The following CAMK4 variants were observed in gnomAD, a reference collection of about 807,000 sequenced individuals.
The protein encoded by CAMK4 is calcium/calmodulin-dependent protein kinase type IV.
Under a neutral mutation model 44.9 loss-of-function variants are expected in CAMK4, and 22 were observed. That is an observed-to-expected ratio of 0.49 (90% CI 0.35 to 0.70). CAMK4 has a LOEUF of 0.70. Among genes scored for constraint, CAMK4 ranks in the 30% least tolerant of loss-of-function variants. CAMK4 has a pLI of 0.01. For missense variants in CAMK4, 498 were observed against 586.8 expected (o/e 0.85, Z 1.56); for synonymous variants, 218 against 215.4 (o/e 1.01, Z -0.11).
chr5:111,442,970 G>C (rs1753880015), intron 5 of CAMK4, among the ~76,000 whole-genome samples: 3 of 149,378 alleles, frequency 2.0e-5, no homozygotes, highest in Admixed American at 6.7e-5. Flanking sequence ...AACTCTTTGG[G>C]GTTTCCAACA....
At position 111,326,957 on chromosome 5, in the gene CAMK4, A is replaced by G. The variant is rs147419193; in HGVS notation, c.162-17067A>G. ...TTGTTATTATATGTTTAATTAAAAT[A>G]AAATTCCAAAATAGAAAGCTGAGTG... On this transcript the variant is annotated intron_variant, in intron 1 of 10. Transcript: ENST00000282356. 6.4e-4 allele frequency among the ~76,000 whole-genome samples: 98 copies of G among 152,124 alleles called. 1 individual carries two copies. Among genetic ancestry groups the G allele is most frequent in the African/African-American group, 2.0e-3 (84 of 41,542 alleles).
chr5:111,407,167 G>C (rs545987298), intron 5 of CAMK4, among the ~76,000 whole-genome samples: 22 of 151,922 alleles, frequency 1.4e-4, no homozygotes, highest in African/African-American at 5.1e-4. Flanking sequence ...GCCTGGCCAA[G>C]ATGGTGAAAC....
At chr5:111,398,148 C>T (rs769729294) in intron 5 of CAMK4, among the ~76,000 whole-genome samples, 10 of 152,168 alleles carry the variant, frequency 6.6e-5, no homozygotes, top group Admixed American at 1.3e-4. Context: ...CTTAGATCCA[C>T]AAAGTGACAT....
At chr5:111,253,763 T>G (rs186817016) in intron 1 of CAMK4, among the ~76,000 whole-genome samples, 1 of 152,192 alleles carries the variant, frequency 6.6e-6, no homozygotes, top group Non-Finnish European at 1.5e-5. Flanking sequence ...TTTTCAATAG[T>G]AAGTGAGACA....
At chr5:111,301,831 T>G (rs1747730566) in intron 1 of CAMK4, among the ~76,000 whole-genome samples, 1 of 152,204 alleles carries the variant, frequency 6.6e-6, no homozygotes, top group Non-Finnish European at 1.5e-5. Context: ...GTATAAGCCA[T>G]TGTAGTTTTT....
chr5:111,342,254 C>G (rs560079459), intron 1 of CAMK4, among the ~76,000 whole-genome samples: 1 of 151,284 alleles, frequency 6.6e-6, no homozygotes, highest in Non-Finnish European at 1.5e-5. Context: ...TTTTTTATTT[C>G]TCCTTTTAGT....
At chr5:111,248,214 G>A (rs1011878658) in intron 1 of CAMK4, among the ~76,000 whole-genome samples, 1 of 152,098 alleles carries the variant, frequency 6.6e-6, no homozygotes, top group African/African-American at 2.4e-5. Flanking sequence ...TTCACAAAGT[G>A]GAAATTTAAT....
At chr5:111,387,608 G>C (rs1751651537) in intron 4 of CAMK4, among the ~76,000 whole-genome samples, 1 of 152,188 alleles carries the variant, frequency 6.6e-6, no homozygotes, top group Non-Finnish European at 1.5e-5. Context: ...TCTGAGTCCA[G>C]TGCTTTTGTT....
At chr5:111,401,589 G>A (rs1022556063) in intron 5 of CAMK4, among the ~76,000 whole-genome samples, 5 of 151,890 alleles carry the variant, frequency 3.3e-5, no homozygotes, top group African/African-American at 1.2e-4. Context: ...AATTGCAAAA[G>A]CTCCTTTTGA....
chr5:111,431,584 T>C (rs1415970445), intron 5 of CAMK4, among the ~76,000 whole-genome samples: 2 of 151,978 alleles, frequency 1.3e-5, no homozygotes, highest in East Asian at 3.9e-4. Context: ...ACCCACAGAA[T>C]GGGAGAAAAT....
At chr5:111,407,357 A>G (rs1276999367) in intron 5 of CAMK4, among the ~76,000 whole-genome samples, 2 of 151,364 alleles carry the variant, frequency 1.3e-5, no homozygotes, top group Non-Finnish European at 2.9e-5. Flanking sequence ...TAAAAAAAAA[A>G]AAAAGAAAAG....
chr5:111,260,034 C>A (rs1337592325), intron 1 of CAMK4, among the ~76,000 whole-genome samples: 1 of 152,124 alleles, frequency 6.6e-6, no homozygotes, highest in Non-Finnish European at 1.5e-5. Context: ...TTGGTAAGTT[C>A]TATAAATTCT....
At chr5:111,280,766 A>G (rs1267675889) in intron 1 of CAMK4, among the ~76,000 whole-genome samples, 1 of 152,240 alleles carries the variant, frequency 6.6e-6, no homozygotes, top group Non-Finnish European at 1.5e-5. Context: ...AGGACCAGAA[A>G]GGAAGCAGGC....
chr5:111,439,236 T>A (rs1442538603), intron 5 of CAMK4, among the ~76,000 whole-genome samples: 1 of 152,122 alleles, frequency 6.6e-6, no homozygotes, highest in African/African-American at 2.4e-5. Flanking sequence ...GAGTGCCATA[T>A]CTAGATCTTT....
In CAMK4 at chr5:111,300,112, G is replaced by A. The variant is rs1291103477; in HGVS notation, c.162-43912G>A. 2.6e-5 allele frequency among the ~76,000 whole-genome samples: 4 copies of A among 152,104 alleles called. No homozygotes were observed. In the East Asian group the frequency reaches 7.7e-4, roughly 29 times the overall value. On this transcript the variant is annotated intron_variant, in intron 1 of 10. Transcript: ENST00000282356. The stretch of plus-strand genomic sequence containing the variant: ...GTTGAGGCTAGAGAAAATGACCAGA[G>A]AATGGAAAATGAAACAAAGCATGGA...
At chr5:111,244,718 G>A (rs4957604) in intron 1 of CAMK4, among the ~76,000 whole-genome samples, 81,328 of 151,814 alleles carry the variant, frequency 0.54, 22,092 homozygotes, top group Non-Finnish European at 0.57. Context: ...AAAATTAGCC[G>A]GGCATGGTGG....
chr5:111,355,486 T>TTTTA (rs143763443), intron 2 of CAMK4, among the ~76,000 whole-genome samples: 49,987 of 146,704 alleles, frequency 0.34, 8,710 homozygotes, highest in South Asian at 0.49. Context: ...TCTGCATTCT[T>TTTTA]TTTATTTATT....
At chr5:111,464,133 A>C (rs1754739957) in intron 7 of CAMK4, among the ~76,000 whole-genome samples, 1 of 151,974 alleles carries the variant, frequency 6.6e-6, no homozygotes, top group South Asian at 2.1e-4. Flanking sequence ...AAATAGCATA[A>C]ATAAAAAAAC....
chr5:111,311,506 C>G lies in CAMK4; in HGVS notation c.162-32518C>G, dbSNP rs146746999. Among the ~76,000 whole-genome samples the G allele has an allele frequency of 3.7e-3, 571 of 152,270 alleles. 3 individuals are homozygous for G. Among genetic ancestry groups the G allele is most frequent in the African/African-American group, 0.013 (527 of 41,564 alleles). ...GGTGGGTGCAGAAGAGAGTAAAAAG[C>G]CTATGTAATGGATTGAGGCCAGGTT... On this transcript the variant is annotated intron_variant, in intron 1 of 10. Coordinates refer to ENST00000282356, the MANE Select transcript of CAMK4 (RefSeq NM_001744.6).
Sources: allele counts gnomAD v4.1 joint callset (sites outside exome capture counted in the v4.1 genomes callset), GRCh38; gene constraint gnomAD v4.1.1; transcripts MANE v1.5; gene names NCBI Gene and HGNC (gene_info 2026-07-23, HGNC 2026-07-21).